CNTN5: variants seen among roughly 807,000 people sequenced by gnomAD.
The protein encoded by CNTN5 is contactin-5.
Under a neutral mutation model 129.1 loss-of-function variants are expected in CNTN5, and 77 were observed. The ratio of observed to expected loss-of-function variants is 0.60; its 90% CI spans 0.50 to 0.72. The LOEUF is 0.72. CNTN5 is among the 30% of genes least tolerant of loss of function. CNTN5 has a pLI of 0.00. For missense variants in CNTN5, 1,478 were observed against 1,328.8 expected (o/e 1.11, Z -1.75); for synonymous variants, 509 against 465.6 (o/e 1.09, Z -1.20).
At chr11:99,942,476 A>T (rs1425205810) in intron 7 of CNTN5, among the ~76,000 whole-genome samples, 9 of 152,062 alleles carry the variant, frequency 5.9e-5, no homozygotes, top group Non-Finnish European at 1.3e-4. Context: ...TTAATGATGT[A>T]TCTACAAAAT....
intron 2 of CNTN5, among the ~76,000 whole-genome samples, chr11:99,447,211 T>A (rs145897340): frequency 3.3e-5 from 5 of 152,224 alleles, no homozygotes; most frequent in Middle Eastern, 3.2e-3. Flanking sequence ...AGAAGCTATG[T>A]AGGGATTGAC....
intron 3 of CNTN5, among the ~76,000 whole-genome samples, chr11:99,766,863 A>G (rs1000914039): frequency 1.3e-5 from 2 of 152,102 alleles, no homozygotes; most frequent in Non-Finnish European, 2.9e-5. Context: ...AGAACTGACT[A>G]TGAGCTCTTC....
chr11:99,221,551 T>A (rs1028903331), intron 1 of CNTN5, among the ~76,000 whole-genome samples: 12 of 151,906 alleles, frequency 7.9e-5, no homozygotes, highest in Admixed American at 7.9e-4. Flanking sequence ...TTTATTCCCC[T>A]GATGGAAAAA....
chr11:100,214,266 T>C (rs919592507), intron 15 of CNTN5, among the ~76,000 whole-genome samples: 3 of 152,216 alleles, frequency 2.0e-5, no homozygotes, highest in African/African-American at 7.2e-5. Flanking sequence ...GCGTATTCCA[T>C]AGAAAACTGT....
chr11:99,533,912 C>G lies in CNTN5; in HGVS notation c.-70-22233C>G, dbSNP rs188655016. ...AGGGTCCATACTCATAGAGAAAATT[C>G]CGTGGGTTTGGTTTAGAGGAGATTA... On this transcript the variant is annotated intron_variant, in intron 2 of 24. Coordinates refer to ENST00000524871, the MANE Select transcript of CNTN5 (RefSeq NM_014361.4). 5.5e-4 allele frequency among the ~76,000 whole-genome samples: 83 copies of G among 152,198 alleles called. 1 individual carries two copies. The highest frequency in any genetic ancestry group is 9.3e-4 in the Non-Finnish European group (63 of 68,020).
chr11:99,757,604 A>T (rs1292371286), intron 3 of CNTN5, among the ~76,000 whole-genome samples: 1 of 152,064 alleles, frequency 6.6e-6, no homozygotes, highest in Non-Finnish European at 1.5e-5. Context: ...TAACTTGATT[A>T]TATCTACAGA....
At chr11:99,510,110 C>T (rs1300660617) in intron 2 of CNTN5, among the ~76,000 whole-genome samples, 9 of 151,816 alleles carry the variant, frequency 5.9e-5, no homozygotes, top group Middle Eastern at 3.2e-3. Flanking sequence ...GAATAACTAT[C>T]CAATATATTT....
intron 8 of CNTN5, among the ~76,000 whole-genome samples, chr11:99,968,651 G>A (rs1951160200): frequency 8.9e-6 from 1 of 112,700 alleles, no homozygotes; most frequent in Non-Finnish European, 1.8e-5. Flanking sequence ...GAATAGCTTT[G>A]GGTACTTTTT....
chr11:99,396,607 C>T (rs2055600), intron 2 of CNTN5, among the ~76,000 whole-genome samples: 5,537 of 151,378 alleles, frequency 0.037, 182 homozygotes, highest in East Asian at 0.16. Flanking sequence ...ATATATGAAA[C>T]CAAAGAGTAA....
chr11:100,231,540 TC>T (rs1330581356), intron 16 of CNTN5, among the ~76,000 whole-genome samples: 2 of 152,130 alleles, frequency 1.3e-5, no homozygotes, highest in Non-Finnish European at 2.9e-5. Flanking sequence ...CTAACAGAGT[TC>T]CAAGTTATAC....
At chr11:99,228,618 T>G (rs754369046) in intron 1 of CNTN5, among the ~76,000 whole-genome samples, 4 of 152,082 alleles carry the variant, frequency 2.6e-5, no homozygotes, top group Non-Finnish European at 5.9e-5. Flanking sequence ...ATATCATGTG[T>G]CAATTAAAAA....
At chr11:99,044,009 T>C (rs1864107169) in intron 1 of CNTN5, among the ~76,000 whole-genome samples, 1 of 152,324 alleles carries the variant, frequency 6.6e-6, no homozygotes, top group South Asian at 2.1e-4. Context: ...ATCCCCATTA[T>C]GTTCTATGGT....
At chr11:99,841,798 TATGTG>T (rs1326667238) in intron 4 of CNTN5, among the ~76,000 whole-genome samples, 5 of 628 alleles carry the variant, frequency 8.0e-3, no homozygotes, top group Non-Finnish European at 0.014. Context: ...TATATATATA[TATGTG>T]GTGTGTGTGT....
intron 17 of CNTN5, among the ~76,000 whole-genome samples, chr11:100,269,932 T>C (rs897669439): frequency 1.3e-5 from 2 of 152,190 alleles, no homozygotes; most frequent in African/African-American, 4.8e-5. Flanking sequence ...TTCTCTTTTG[T>C]ATGTTTGTCA....
rs527469898 is a variant in CNTN5, at chr11:99,180,755, A to T, written c.-209-144591A>T. ...GATACATAGGGAAGGCATAGTCGAT[A>T]TAGATTACAGATACGGGGTAAGCAC... On this transcript the variant is annotated intron_variant, in intron 1 of 24. Transcript: ENST00000524871. Among the ~76,000 whole-genome samples the T allele has an allele frequency of 2.0e-5, 3 of 152,316 alleles. No individual in the cohort carries two copies. The East Asian group carries it at 5.8e-4, about 29-fold the overall frequency.
chr11:99,702,054 G>T (rs1954545036), intron 3 of CNTN5, among the ~76,000 whole-genome samples: 1 of 150,960 alleles, frequency 6.6e-6, no homozygotes, highest in Non-Finnish European at 1.5e-5. Flanking sequence ...TAATCAGTGA[G>T]TATATTTAAG....
At chr11:99,536,615 G>A (rs1413021387) in intron 2 of CNTN5, among the ~76,000 whole-genome samples, 1 of 151,956 alleles carries the variant, frequency 6.6e-6, no homozygotes, top group Non-Finnish European at 1.5e-5. Context: ...TCATGCCTGG[G>A]GGAGGAAGAA....
intron 6 of CNTN5, among the ~76,000 whole-genome samples, chr11:99,869,729 G>A (rs916517911): frequency 2.6e-5 from 4 of 152,190 alleles, no homozygotes; most frequent in Non-Finnish European, 5.9e-5. Context: ...ATCGAGCAGA[G>A]TGCAGCTTAC....
chr11:99,558,094 T>G, intron 3 of CNTN5: 1 of 167,276 alleles, frequency 6.0e-6, no homozygotes, highest in Non-Finnish European at 1.3e-5. Context: ...AGGTAAGGTA[T>G]CTCAAAGGCA....
Sources: gnomAD v4.1 joint callset for allele counts (sites outside exome capture counted in the v4.1 genomes callset) on GRCh38, gnomAD v4.1.1 for gene constraint, MANE v1.5 for transcripts, NCBI Gene and HGNC (gene_info 2026-07-23, HGNC 2026-07-21) for gene names.